SERPINB7: variants seen among roughly 807,000 people sequenced by gnomAD.
The protein encoded by SERPINB7 is serpin family B member 7, also known as serpin B7.
A neutral mutation model predicts 37.4 loss-of-function variants in SERPINB7; 31 were observed. The ratio of observed to expected loss-of-function variants is 0.83; its 90% confidence interval spans 0.62 to 1.12. The LOEUF is 1.12. Among genes scored for constraint, SERPINB7 ranks in the 50% most tolerant of loss-of-function variants. The probability of loss-of-function intolerance (pLI) is 0.00; values close to 1 mark genes in which losing one functional copy is unlikely to be tolerated. For synonymous variants in SERPINB7, 163 were observed against 166.1 expected (o/e 0.98, Z 0.14); for missense variants, 521 against 455.3 (o/e 1.14, Z -1.31).
chr18:63,787,565 A>G (rs148557312), intron 2 of SERPINB7, among the ~76,000 whole-genome samples: 1 of 152,308 alleles, frequency 6.6e-6, no homozygotes, highest in African/African-American at 2.4e-5. Context: ...AGATGTTAGT[A>G]TGTTTGAATC....
chr18:63,803,951 C>T (rs575967786), intron 7 of SERPINB7, among the ~76,000 whole-genome samples: 8 of 152,284 alleles, frequency 5.3e-5, no homozygotes, highest in African/African-American at 1.9e-4. Context: ...TATTGCTCCA[C>T]GTTGGCTGTA....
At position 63,783,222 on chromosome 18, in the gene SERPINB7, G is replaced by GAAAGAA. The variant is rs1568207779; in HGVS notation, c.168+683_168+684insAAGAAA. On this transcript the variant is annotated intron_variant, in intron 2 of 7. Transcript: ENST00000398019. ...AGAGAGAGAGAGAGAGAGAGAGAGA[G>GAAAGAA]AGAGAGAGAGAGAAAGAAAGAAAGA... Among the ~76,000 whole-genome samples the GAAAGAA allele has an allele frequency of 5.3e-4, 36 of 67,366 alleles. 1 individual carries two copies. Among genetic ancestry groups the GAAAGAA allele is most frequent in the African/African-American group, 1.8e-3 (32 of 17,678 alleles). 44.2% of individuals were successfully genotyped at this position (67,366 alleles called of 152,430 possible). A position where few individuals can be genotyped will look rare whatever the true frequency, so the allele number is the denominator to read the frequency against.
chr18:63,762,633 G>A (rs1598989637), intron 1 of SERPINB7, among the ~76,000 whole-genome samples: 1 of 152,180 alleles, frequency 6.6e-6, no homozygotes, highest in African/African-American at 2.4e-5. Context: ...GATAGCTCTG[G>A]GGGAGTGACG....
rs59398905 is a variant in SERPINB7, at chr18:63,764,651, C to CAA, written c.-19+11538_-19+11539dup. On this transcript the variant is annotated intron_variant, in intron 1 of 7. Transcript: ENST00000336429. Reference sequence around the variant, plus strand: ...ACTCTTATTAAACAATTTTAATTGGCAAAAAAAATGGACATATGAATGGAG... The same window carrying CAA: ...ACTCTTATTAAACAATTTTAATTGGCAAAAAAAAAATGGACATATGAATGGAG... Among the ~76,000 whole-genome samples, 9 of 151,498 alleles carry CAA rather than the reference C, an allele frequency of 5.9e-5. No individual in the cohort carries two copies. The East Asian group carries it at 1.4e-3, about 23-fold the overall frequency.
intron 5 of SERPINB7, among the ~76,000 whole-genome samples, chr18:63,797,711 T>C (rs552219315): frequency 6.6e-6 from 1 of 152,180 alleles, no homozygotes; most frequent in African/African-American, 2.4e-5. Context: ...GCAAATCAGA[T>C]CCATCATGAC....
chr18:63,787,176 C>T (rs1489584110), intron 2 of SERPINB7, among the ~76,000 whole-genome samples: 2 of 152,056 alleles, frequency 1.3e-5, no homozygotes, highest in African/African-American at 2.4e-5. Flanking sequence ...TTTCTACTTG[C>T]GTCATGTTGA....
chr18:63,757,877 G>C (rs1444066458), intron 1 of SERPINB7, among the ~76,000 whole-genome samples: 1 of 152,152 alleles, frequency 6.6e-6, no homozygotes, highest in Non-Finnish European at 1.5e-5. Flanking sequence ...TACCTTCCTA[G>C]GTTTTGCCAA....
intron 2 of SERPINB7, among the ~76,000 whole-genome samples, chr18:63,784,556 A>C (rs1323541212): frequency 6.6e-6 from 1 of 152,230 alleles, no homozygotes; most frequent in Non-Finnish European, 1.5e-5. Context: ...TCAACAAATA[A>C]AAATTTATTC....
upstream of SERPINB7, among the ~76,000 whole-genome samples, chr18:63,770,901 T>A (rs57632642): frequency 8.4e-5 from 7 of 82,956 alleles, no homozygotes; most frequent in Non-Finnish European, 1.5e-4. Flanking sequence ...ACACACACAC[T>A]CACTCACACA....
chr18:63,778,707 T>C lies in SERPINB7; in HGVS notation c.-19+2991T>C, dbSNP rs903257398. ...AAAGAAGGTTTAGTGAGAAAATATC[T>C]ATTTTTATTGTTGTTTTGATGCTAA... On this transcript the variant is annotated intron_variant, in intron 1 of 7. Transcript: ENST00000398019. Among the ~76,000 whole-genome samples the C allele has an allele frequency of 2.0e-5, 3 of 152,174 alleles. No individual in the cohort carries two copies. The South Asian group carries it at 6.2e-4, about 31-fold the overall frequency.
At chr18:63,798,534 A>G (rs2049512133) in intron 5 of SERPINB7, 70 bp from the exon 6 acceptor site, 1 of 1,249,788 alleles carries the variant, frequency 8.0e-7, no homozygotes, top group Non-Finnish European at 1.1e-6. Context: ...ATACCAATTA[A>G]TGGTCTTTTT....
At chr18:63,794,110 ATTTTTT>A (rs34450022) in intron 4 of SERPINB7, among the ~76,000 whole-genome samples, 12 of 105,572 alleles carry the variant, frequency 1.1e-4, no homozygotes, top group Admixed American at 4.6e-4. Flanking sequence ...CATCCTGCTA[ATTTTTT>A]TTTTTTTTTT....
chr18:63,805,364 C>A lies in SERPINB7; in HGVS notation c.*729C>A, dbSNP rs2049597367. ...CTCTATTTATCAGAATAAAGAAATA[C>A]AACATACCTGTACAGTGTGATTGTT... is the stretch of plus-strand genomic sequence containing the variant. On this transcript the variant is annotated 3_prime_UTR_variant, in exon 8 of 8. Coordinates refer to ENST00000398019, the MANE Select transcript of SERPINB7 (RefSeq NM_003784.4). The A allele has an allele frequency of 6.6e-6, 1 of 152,100 alleles. No homozygotes were observed. The highest frequency in any genetic ancestry group is 1.5e-5 in the Non-Finnish European group (1 of 68,020). The allele number at this position is 152,100 out of a possible 1,614,324, so 9.4% of individuals were successfully genotyped here. A position where few individuals can be genotyped will look rare whatever the true frequency, so the allele number is the denominator to read the frequency against.
At chr18:63,783,148 C>T (rs1448965974) in intron 2 of SERPINB7, among the ~76,000 whole-genome samples, 1 of 135,860 alleles carries the variant, frequency 7.4e-6, no homozygotes, top group Non-Finnish European at 1.6e-5. Context: ...AGAAAACAAA[C>T]GATCAAACAA....
rs1417436270 is a variant in SERPINB7, at chr18:63,804,297, TC to T, written c.806del (p.Ser269LeufsTer13). On this transcript the variant is annotated frameshift_variant, in exon 8 of 8. Coordinates refer to ENST00000398019, the MANE Select transcript of SERPINB7 (RefSeq NM_003784.4). LOFTEE classifies it high-confidence loss of function. ...MEWTNPRRMTSKYVEVFFPQF... is the reference protein window; with the variant it reads ...MEWTNPRRMTXKYVEVFFPQF... The stretch of plus-strand genomic sequence containing the variant: ...ATGGACCAATCCAAGGCGAATGACC[TC>T]TAAGTATGTTGAGGTATTTTTTCCT... The T allele has an allele frequency of 6.2e-7, 1 of 1,610,664 alleles. No individual in the cohort carries two copies. Among genetic ancestry groups the T allele is most frequent in the East Asian group, 2.2e-5 (1 of 44,888 alleles).
Position 63,798,685 on chromosome 18 carries a change from G to A in SERPINB7, c.536G>A (p.Gly179Asp). ...MVLVNAVYFK[G>D]KWQSAFTKSE... ...CTGGTGAATGCTGTGTACTTCAAAG[G>A]CAAGTGGCAATCAGCCTTCACCAAG... Residue 179 changes from glycine (G) to aspartate (D), a missense_variant, in exon 6 of 8, where the codon GGC becomes GAC. By Grantham distance (94) the Gly-to-Asp change is moderately conservative. Coordinates refer to ENST00000398019, the MANE Select transcript of SERPINB7 (RefSeq NM_003784.4). 1.9e-6 allele frequency: 3 copies of A among 1,612,750 alleles called. No individual in the cohort carries two copies. The highest frequency in any genetic ancestry group is 2.5e-6 in the Non-Finnish European group (3 of 1,179,466).
Position 63,796,249 on chromosome 18 carries a change from T to C in SERPINB7, c.337-17T>C. 7.1e-6 allele frequency: 10 copies of C among 1,403,562 alleles called. No individual in the cohort carries two copies. The highest frequency in any genetic ancestry group is 1.0e-5 in the Non-Finnish European group (10 of 993,504). 86.9% of individuals were successfully genotyped at this position (1,403,562 alleles called of 1,614,324 possible). A position where few individuals can be genotyped will look rare whatever the true frequency, so the allele number is the denominator to read the frequency against. Reference sequence around the variant, plus strand: ...GGTGATGATTTGTAAATACGAGAACTATATTCTTCTTTATAGGACTACATT... The same window carrying C: ...GGTGATGATTTGTAAATACGAGAACCATATTCTTCTTTATAGGACTACATT... On this transcript the variant is annotated splice_polypyrimidine_tract_variant and intron_variant, in intron 4 of 7. Transcript: ENST00000398019.
At chr18:63,783,226 GAGAGAGAGAAAGAAAGAA>G (rs1316366883) in intron 2 of SERPINB7, among the ~76,000 whole-genome samples, 182 of 62,722 alleles carry the variant, frequency 2.9e-3, no homozygotes, top group Middle Eastern at 9.3e-3. Flanking sequence ...GAGAGAGAGA[GAGAGAGAGAAAGAAAGAA>G]AGAAAGAAAG....
At position 63,798,648 on chromosome 18, in the gene SERPINB7, G is replaced by A; in HGVS notation, c.499G>A (p.Ala167Thr). Reference sequence around the variant, plus strand: ...TGGTGAAGGTGGCATAAGCTCATCTGCTGTAATGGTGCTGGTGAATGCTGT... The same window carrying A: ...TGGTGAAGGTGGCATAAGCTCATCTACTGTAATGGTGCTGGTGAATGCTGT... ...VIGEGGISSS[A>T]VMVLVNAVYF... Residue 167 changes from alanine to threonine, a missense_variant, in exon 6 of 8, where the codon GCT becomes ACT. Coordinates refer to ENST00000398019, the MANE Select transcript of SERPINB7 (RefSeq NM_003784.4). The A allele has an allele frequency of 6.2e-7, 1 of 1,608,818 alleles. No individual in the cohort carries two copies. Among genetic ancestry groups the A allele is most frequent in the South Asian group, 1.1e-5 (1 of 89,682 alleles).
Sources: gnomAD v4.1 joint callset for allele counts (sites outside exome capture counted in the v4.1 genomes callset) on GRCh38, gnomAD v4.1.1 for gene constraint, MANE v1.5 for transcripts, NCBI Gene and HGNC (gene_info 2026-07-23, HGNC 2026-07-21) for gene names.